Variants in GAS2L3 observed in about 807,000 individuals in gnomAD.
The protein encoded by GAS2L3 is growth arrest specific 2 like 3.
Under a neutral mutation model 37.0 loss-of-function variants are expected in GAS2L3, and 28 were observed. The observed-to-expected ratio is 0.76, with a 90% confidence interval of 0.56 to 1.04. The LOEUF (loss-of-function observed/expected upper bound fraction) is 1.04, where lower values mean the gene tolerates loss of function less well. Ranked by LOEUF, GAS2L3 falls within the 50% of genes least tolerant of loss-of-function variation. The pLI is 0.00. For synonymous variants in GAS2L3, 290 were observed against 296.6 expected, an observed-to-expected ratio of 0.98 and a Z score of 0.23; for missense variants, 793 against 817.6, an observed-to-expected ratio of 0.97 and a Z score of 0.37.
At chr12:100,601,045 T>C (rs959658525) in intron 4 of GAS2L3, among the ~76,000 whole-genome samples, 1 of 152,126 alleles carries the variant, frequency 6.6e-6, no homozygotes, top group Non-Finnish European at 1.5e-5. Context: ...TTAGAGAATA[T>C]GATGAATGCT....
At chr12:100,580,238 T>C (rs1489694796) in intron 1 of GAS2L3, 1 of 603,370 alleles carries the variant, frequency 1.7e-6, no homozygotes, top group South Asian at 2.3e-5. Flanking sequence ...TTTGTAATAG[T>C]TGTATTAAGA....
chr12:100,620,341 A>G (rs117946977), intron 8 of GAS2L3, among the ~76,000 whole-genome samples: 3,181 of 152,144 alleles, frequency 0.021, 54 homozygotes, highest in Non-Finnish European at 0.029. Context: ...GAGAATGAAA[A>G]TAATAGTAAT....
chr12:100,577,781 G>A (rs1955656490), intron 1 of GAS2L3, among the ~76,000 whole-genome samples: 1 of 152,186 alleles, frequency 6.6e-6, no homozygotes, highest in South Asian at 2.1e-4. Flanking sequence ...GAAGACTTTG[G>A]AGGAATAGAA....
intron 5 of GAS2L3, among the ~76,000 whole-genome samples, chr12:100,603,233 G>A (rs1956014662): frequency 1.3e-5 from 2 of 152,126 alleles, no homozygotes; most frequent in Non-Finnish European, 2.9e-5. Flanking sequence ...TCTCCACAGT[G>A]GCTGTAATAA....
intron 3 of GAS2L3, among the ~76,000 whole-genome samples, chr12:100,595,550 A>T (rs929010245): frequency 1.3e-5 from 2 of 151,940 alleles, no homozygotes; most frequent in Non-Finnish European, 2.9e-5. Context: ...TAAAAAGAAC[A>T]TGATTGAATA....
At chr12:100,606,719 G>A (rs765853583) in intron 5 of GAS2L3, among the ~76,000 whole-genome samples, 10 of 151,850 alleles carry the variant, frequency 6.6e-5, no homozygotes, top group African/African-American at 2.2e-4. Flanking sequence ...ATTTTAAACT[G>A]ATTACGTAAG....
At chr12:100,590,664 C>A (rs1466244147) in intron 1 of GAS2L3, among the ~76,000 whole-genome samples, 1 of 152,110 alleles carries the variant, frequency 6.6e-6, no homozygotes, top group African/African-American at 2.4e-5. Context: ...GGAAACAACC[C>A]AAATACCCAT....
intron 5 of GAS2L3, among the ~76,000 whole-genome samples, chr12:100,608,423 T>C (rs1956083358): frequency 6.6e-6 from 1 of 152,208 alleles, no homozygotes. Flanking sequence ...AGGGCTCTAT[T>C]ATCAGCAGGT....
At position 100,624,492 on chromosome 12, in the gene GAS2L3, C is replaced by T. The variant is rs369703886; in HGVS notation, c.1687C>T (p.Pro563Ser). ...KLKSALNLNQ[P>S]VSVSSVSPVK... is the part of the protein sequence containing the mutation. ...TAAATCGGCCTTGAATTTAAATCAG[C>T]CAGTTTCTGTGTCCTCAGTTTCTCC... Residue 563 changes from proline to serine, a missense_variant, in exon 10 of 10, where the codon CCA (proline) becomes TCA (serine). By Grantham distance (74) the Pro-to-Ser change is moderately conservative. Coordinates refer to ENST00000547754, the MANE Select transcript of GAS2L3 (RefSeq NM_174942.3). 1.9e-6 allele frequency: 3 copies of T among 1,614,040 alleles called. No homozygotes were observed. Among genetic ancestry groups the T allele is most frequent in the East Asian group, 2.2e-5 (1 of 44,866 alleles).
At chr12:100,621,596 G>T (rs1945350762) in intron 8 of GAS2L3, among the ~76,000 whole-genome samples, 1 of 151,850 alleles carries the variant, frequency 6.6e-6, no homozygotes. Context: ...TGAGAGAATA[G>T]ATGTAAATAT....
At chr12:100,579,999 A>G in intron 1 of GAS2L3, 2 of 1,101,144 alleles carry the variant, frequency 1.8e-6, no homozygotes, top group East Asian at 2.4e-5. Context: ...TATTTCTCAC[A>G]GTGGACCAGT....
At chr12:100,606,290 C>T (rs1048689995) in intron 5 of GAS2L3, among the ~76,000 whole-genome samples, 2 of 151,972 alleles carry the variant, frequency 1.3e-5, no homozygotes, top group South Asian at 2.1e-4. Flanking sequence ...TTCATTTTGT[C>T]TGATATAAAT....
intron 1 of GAS2L3, among the ~76,000 whole-genome samples, chr12:100,575,476 A>ATTTTTTTTTTT (rs58446699): frequency 1.0e-4 from 9 of 88,796 alleles, no homozygotes; most frequent in Non-Finnish European, 1.2e-4. Flanking sequence ...TGTTATCTCT[A>ATTTTTTTTTTT]TTTTTTTTTT....
At chr12:100,603,786 C>G (rs1956022149) in intron 5 of GAS2L3, among the ~76,000 whole-genome samples, 1 of 151,998 alleles carries the variant, frequency 6.6e-6, no homozygotes, top group Non-Finnish European at 1.5e-5. Flanking sequence ...GTCTTTAATC[C>G]ATTTTTATTT....
rs1400753324 is a variant in GAS2L3, at chr12:100,617,741, C to T, written c.446-3C>T. On this transcript the variant is annotated splice_polypyrimidine_tract_variant and splice_region_variant and intron_variant, in intron 6 of 9. Transcript: ENST00000547754. ...ATAAAATAAGTGGTTTTATTTTCCA[C>T]AGTTTTGCACAAAGATCCAAGACAG... 4.4e-6 allele frequency: 7 copies of T among 1,595,616 alleles called. No homozygotes were observed. The highest frequency in any genetic ancestry group is 6.0e-6 in the Non-Finnish European group (7 of 1,164,866).
chr12:100,612,514 G>A lies in GAS2L3; in HGVS notation c.445+373G>A, dbSNP rs544811842. On this transcript the variant is annotated intron_variant, in intron 6 of 9. Transcript: ENST00000547754. ...CGGAAATGACAGGAGGCCTAATAAT[G>A]TATTATCACGGTGTTTAGCTTTACC... 1.8e-4 allele frequency: 34 copies of A among 186,282 alleles called. 1 individual carries two copies. In the South Asian group the frequency reaches 3.8e-3, roughly 21 times the overall value. The allele number at this position is 186,282 out of a possible 1,614,324, so 11.5% of individuals were successfully genotyped here. A position where few individuals can be genotyped will look rare whatever the true frequency, so the allele number is the denominator to read the frequency against.
chr12:100,623,976 A>G lies in GAS2L3; in HGVS notation c.1171A>G (p.Ile391Val), dbSNP rs769547506. The G allele has an allele frequency of 3.1e-6, 5 of 1,614,126 alleles. No individual in the cohort carries two copies. Among genetic ancestry groups the G allele is most frequent in the Admixed American group, 1.7e-5 (1 of 60,016 alleles). ...TCCCAAGCTCAAGTCTTCAAAAGGC[A>G]TAACGAAGAAACCGCAGGCTCCTTC... ...SHPKLKSSKG[I>V]TKKPQAPSNN... The change falls in exon 10 of 10, where the codon ATA becomes GTA. Residue 391 changes from isoleucine (I) to valine (V), a missense_variant. Coordinates refer to ENST00000547754, the MANE Select transcript of GAS2L3 (RefSeq NM_174942.3).
At chr12:100,597,822 C>A (rs1018498563) in intron 3 of GAS2L3, among the ~76,000 whole-genome samples, 2 of 151,952 alleles carry the variant, frequency 1.3e-5, no homozygotes, top group Non-Finnish European at 2.9e-5. Context: ...AGCTTTTGAT[C>A]TGGTATAGTA....
intron 1 of GAS2L3, among the ~76,000 whole-genome samples, chr12:100,580,425 T>A (rs1955696176): frequency 6.6e-6 from 1 of 152,242 alleles, no homozygotes; most frequent in South Asian, 2.1e-4. Context: ...GAAGAGAACA[T>A]TTAAACCATT....
Sources: gnomAD v4.1 joint callset for allele counts (sites outside exome capture counted in the v4.1 genomes callset) on GRCh38, gnomAD v4.1.1 for gene constraint, MANE v1.5 for transcripts, NCBI Gene and HGNC (gene_info 2026-07-23, HGNC 2026-07-21) for gene names.